Variants in MRPL39 observed in about 807,000 individuals in gnomAD.
The protein encoded by MRPL39 is mitochondrial ribosomal protein L39.
In MRPL39, 35 loss-of-function variants were observed where a neutral mutation model predicts 44.5. That is an observed-to-expected ratio of 0.79 (90% CI 0.60 to 1.04). The LOEUF is 1.04. Ranked by LOEUF, MRPL39 falls within the 50% of genes least tolerant of loss-of-function variation. The probability of loss-of-function intolerance (pLI) is 0.00; values close to 1 mark genes in which losing one functional copy is unlikely to be tolerated. For synonymous variants in MRPL39, 139 were observed against 136.1 expected, an observed-to-expected ratio of 1.02 and a Z score of -0.15; for missense variants, 433 against 413.5, an observed-to-expected ratio of 1.05 and a Z score of -0.41.
intron 9 of MRPL39, among the ~76,000 whole-genome samples, chr21:25,588,367 T>C (rs1218012692): frequency 6.6e-6 from 1 of 151,920 alleles, no homozygotes; most frequent in Non-Finnish European, 1.5e-5. Context: ...TAAATGCTAA[T>C]GACAAAGAAT....
chr21:25,586,749 T>A (rs974870835), intron 9 of MRPL39, among the ~76,000 whole-genome samples: 10 of 152,316 alleles, frequency 6.6e-5, no homozygotes, highest in African/African-American at 2.2e-4. Context: ...TCCAACAGAT[T>A]ATCTGCATGG....
At position 25,606,622 on chromosome 21, in the gene MRPL39, G is replaced by A. The variant is rs1283147497; in HGVS notation, c.107C>T (p.Ser36Leu). 1 of 1,613,806 alleles carries A rather than the reference G, an allele frequency of 6.2e-7. No individual in the cohort carries two copies. The highest frequency in any genetic ancestry group is 8.5e-7 in the Non-Finnish European group (1 of 1,179,732). The stretch of plus-strand genomic sequence containing the variant: ...CCGCATTTCTGTCAATTCTGTCGGT[G>A]ACAGCTGAGAAGCTGACGATGTTGC... ...FIATSSASQLSPTELTEMRND... is the reference protein window; with the variant it reads ...FIATSSASQLLPTELTEMRND... The change falls in exon 2 of 10, where the codon TCA becomes TTA. Residue 36 changes from serine to leucine, a missense_variant. By Grantham distance (145) the Ser-to-Leu change is moderately radical. Coordinates refer to ENST00000352957, the MANE Select transcript of MRPL39 (RefSeq NM_017446.4).
chr21:25,605,772 TGG>T (rs2031645300), intron 2 of MRPL39, among the ~76,000 whole-genome samples: 1 of 152,062 alleles, frequency 6.6e-6, no homozygotes, highest in South Asian at 2.1e-4. Context: ...GGTGTGATGG[TGG>T]GCACCTGTAG....
chr21:25,601,018 G>A (rs1407610762), intron 4 of MRPL39, among the ~76,000 whole-genome samples: 1 of 152,176 alleles, frequency 6.6e-6, no homozygotes, highest in Non-Finnish European at 1.5e-5. Flanking sequence ...TGAGGCGGGA[G>A]AATGGTGTGA....
intron 7 of MRPL39, 106 bp downstream of exon 7, chr21:25,593,787 C>A: frequency 2.1e-6 from 2 of 955,964 alleles, no homozygotes; most frequent in Admixed American, 2.5e-5. Flanking sequence ...GTAATAAGAA[C>A]AAAATAAGAC....
At chr21:25,594,432 A>G (rs780957105) in intron 6 of MRPL39, among the ~76,000 whole-genome samples, 8 of 151,366 alleles carry the variant, frequency 5.3e-5, no homozygotes, top group Non-Finnish European at 1.0e-4. Flanking sequence ...TTTTTGGTAA[A>G]GATAGGGTCT....
intron 8 of MRPL39, among the ~76,000 whole-genome samples, chr21:25,590,672 G>C (rs1055300277): frequency 6.6e-6 from 1 of 152,094 alleles, no homozygotes; most frequent in Non-Finnish European, 1.5e-5. Flanking sequence ...TCATAGACTG[G>C]AAACCTCAAC....
At chr21:25,600,164 G>A (rs527327550) in intron 4 of MRPL39, among the ~76,000 whole-genome samples, 6 of 152,044 alleles carry the variant, frequency 3.9e-5, no homozygotes, top group Non-Finnish European at 8.8e-5. Flanking sequence ...GGGAAGCCAA[G>A]GCAGGTGGAT....
intron 9 of MRPL39, chr21:25,587,569 A>G: frequency 2.6e-6 from 2 of 758,990 alleles, no homozygotes; most frequent in Non-Finnish European, 4.2e-6. Flanking sequence ...GGGCTTACAC[A>G]AATATAACAA....
At chr21:25,600,995 C>G (rs1337507051) in intron 4 of MRPL39, among the ~76,000 whole-genome samples, 1 of 152,074 alleles carries the variant, frequency 6.6e-6, no homozygotes, top group Non-Finnish European at 1.5e-5. Context: ...GTAGACCCAG[C>G]TAATCGGGAG....
At chr21:25,604,769 G>C (rs1369493592) in intron 2 of MRPL39, among the ~76,000 whole-genome samples, 1 of 152,158 alleles carries the variant, frequency 6.6e-6, no homozygotes, top group Non-Finnish European at 1.5e-5. Flanking sequence ...CGTAAAGTCA[G>C]GGATCATGTC....
upstream of MRPL39, chr21:25,607,556 G>C (rs187947610): frequency 4.2e-6 from 6 of 1,443,336 alleles, no homozygotes; most frequent in Non-Finnish European, 3.8e-6. Context: ...GAGTTCCGCA[G>C]GACAGGTCTG....
intron 6 of MRPL39, among the ~76,000 whole-genome samples, chr21:25,596,669 CTG>C (rs146142792): frequency 0.21 from 12,612 of 58,864 alleles, 844 homozygotes; most frequent in East Asian, 0.53. Flanking sequence ...GCTTCAGACT[CTG>C]TTATTTTTTT....
chr21:25,600,971 G>A (rs1378990537), intron 4 of MRPL39, among the ~76,000 whole-genome samples: 2 of 152,094 alleles, frequency 1.3e-5, no homozygotes, highest in African/African-American at 2.4e-5. Flanking sequence ...AGCCAGGCGT[G>A]GTGGCGCGCG....
chr21:25,601,568 T>C (rs2031525856), intron 3 of MRPL39, 101 bp from the exon 4 acceptor site: 1 of 690,756 alleles, frequency 1.4e-6, no homozygotes, highest in Admixed American at 3.5e-5. Context: ...ACTTAGAAAA[T>C]ATTTCTCATA....
intron 5 of MRPL39, among the ~76,000 whole-genome samples, chr21:25,598,519 T>G (rs2031429002): frequency 6.6e-6 from 1 of 151,352 alleles, no homozygotes; most frequent in Non-Finnish European, 1.5e-5. Flanking sequence ...TTGACCTCAG[T>G]TTTTACCTAA....
intron 5 of MRPL39, among the ~76,000 whole-genome samples, chr21:25,598,543 A>G (rs1455760028): frequency 2.0e-5 from 3 of 152,128 alleles, no homozygotes; most frequent in Non-Finnish European, 4.4e-5. Context: ...GCCCCAGTAA[A>G]AAAAATCTTA....
At chr21:25,601,763 T>G (rs890428527) in intron 3 of MRPL39, among the ~76,000 whole-genome samples, 1 of 152,256 alleles carries the variant, frequency 6.6e-6, no homozygotes, top group African/African-American at 2.4e-5. Context: ...GTATTTATTT[T>G]TAACCCACGA....
intron 2 of MRPL39, 38 bp downstream of exon 2, chr21:25,606,411 T>C (rs2123261844): frequency 6.6e-7 from 1 of 1,512,878 alleles, no homozygotes; most frequent in Non-Finnish European, 9.0e-7. Context: ...ACAGCTTAAG[T>C]AAAAGGGTCA....
Sources: allele counts gnomAD v4.1 joint callset (sites outside exome capture counted in the v4.1 genomes callset), GRCh38; gene constraint gnomAD v4.1.1; transcripts MANE v1.5; gene names NCBI Gene and HGNC (gene_info 2026-07-23, HGNC 2026-07-21).